Variants in NBEAL2 observed in about 807,000 individuals in gnomAD.
NBEAL2 encodes the protein neurobeachin like 2, also known as neurobeachin-like protein 2.
Under a neutral mutation model 299.8 loss-of-function variants are expected in NBEAL2, and 160 were observed. The observed-to-expected ratio is 0.53, with a 90% CI of 0.47 to 0.61. The LOEUF is 0.61. Among genes scored for constraint, NBEAL2 ranks in the 20% least tolerant of loss-of-function variants. The probability of loss-of-function intolerance (pLI) is 0.00; values close to 1 mark genes in which losing one functional copy is unlikely to be tolerated. For missense variants in NBEAL2, 3,112 were observed against 3,649.0 expected (o/e 0.85, Z 3.79); for synonymous variants, 1,493 against 1,542.3 (o/e 0.97, Z 0.75).
In NBEAL2 at chr3:47,002,943, G is replaced by A. The variant is rs2037141305; in HGVS notation, c.5460-14G>A. The stretch of plus-strand genomic sequence containing the variant: ...AGCCTTCTACCGACCCATGACCTGG[G>A]GGACATTCTGCAGGGACACTCCCAT... On this transcript the variant is annotated splice_polypyrimidine_tract_variant and intron_variant, in intron 33 of 53. Coordinates refer to ENST00000450053, the MANE Select transcript of NBEAL2 (RefSeq NM_015175.3). 6.2e-7 allele frequency: 1 copy of A among 1,612,226 alleles called. No individual in the cohort carries two copies. Among genetic ancestry groups the A allele is most frequent in the African/African-American group, 1.3e-5 (1 of 75,048 alleles).
At chr3:46,997,832 C>G in intron 20 of NBEAL2, 138 bp downstream of exon 20, 1 of 1,305,584 alleles carries the variant, frequency 7.7e-7, no homozygotes, top group African/African-American at 1.5e-5. Context: ...AAAGGCCGAG[C>G]AGGGTTGGGT....
chr3:47,002,665 G>A lies in NBEAL2; in HGVS notation c.5322G>A (p.Ala1774=), dbSNP rs925627742. The change falls in exon 33 of 54, where the codon GCG becomes GCA. Residue 1774 remains alanine, a synonymous_variant. Coordinates refer to ENST00000450053, the MANE Select transcript of NBEAL2 (RefSeq NM_015175.3). The part of the protein sequence containing the change: ...RAFQELVLEP[A]QRRARLEGLR... Reference sequence around the variant, plus strand: ...CCCAGGAGCTGGTGCTGGAACCTGCGCAGAGGCGGGCGCGCCTGGAGGGGC... The same window carrying A: ...CCCAGGAGCTGGTGCTGGAACCTGCACAGAGGCGGGCGCGCCTGGAGGGGC... 2.5e-6 allele frequency: 4 copies of A among 1,608,354 alleles called. No individual in the cohort carries two copies. Among genetic ancestry groups the A allele is most frequent in the Middle Eastern group, 1.6e-4 (1 of 6,082 alleles).
At chr3:47,002,554 T>C in intron 32 of NBEAL2, 34 bp downstream of exon 32, 1 of 1,610,974 alleles carries the variant, frequency 6.2e-7, no homozygotes, top group Non-Finnish European at 8.5e-7. Flanking sequence ...GGGAAACTGC[T>C]CCACACATGC....
chr3:47,006,251 C>G lies in NBEAL2; in HGVS notation c.7006C>G (p.Gln2336Glu), dbSNP rs1474480734. 6.2e-7 allele frequency: 1 copy of G among 1,613,714 alleles called. No homozygotes were observed. Among genetic ancestry groups the G allele is most frequent in the Non-Finnish European group, 8.5e-7 (1 of 1,179,808 alleles). ...IISNFGQTPCQLLKEPHPTRL... is the reference protein window; with the variant it reads ...IISNFGQTPCELLKEPHPTRL... ...CAGCAACTTTGGGCAGACTCCCTGT[C>G]AGCTGCTGAAGGTAAGGCCAGCTTA... is the stretch of plus-strand genomic sequence containing the variant. The change falls in exon 44 of 54, where the codon CAG (glutamine) becomes GAG (glutamate). Residue 2336 changes from glutamine (Q) to glutamate (E), a missense_variant. By Grantham distance (29) the Gln-to-Glu change is conservative. This residue lies in a region of NBEAL2 where 521 missense variants were observed against 729.6 expected (regional missense o/e 0.71). Coordinates refer to ENST00000450053, the MANE Select transcript of NBEAL2 (RefSeq NM_015175.3).
chr3:47,004,809 T>A lies in NBEAL2; in HGVS notation c.6295-163T>A. 8.5e-7 allele frequency: 1 copy of A among 1,178,628 alleles called. No homozygotes were observed. The highest frequency in any genetic ancestry group is 1.2e-6 in the Non-Finnish European group (1 of 837,300). 73.0% of individuals were successfully genotyped at this position (1,178,628 alleles called of 1,614,324 possible). A position where few individuals can be genotyped will look rare whatever the true frequency, so the allele number is the denominator to read the frequency against. On this transcript the variant is annotated intron_variant, in intron 38 of 53. Coordinates refer to ENST00000450053, the MANE Select transcript of NBEAL2 (RefSeq NM_015175.3). The surrounding 1 kb of genome is among the most constrained non-coding windows in gnomAD (Gnocchi z 5.0). The stretch of plus-strand genomic sequence containing the variant: ...AGCCTCTATTCCTCAAAAGGAATCC[T>A]GTTCCAGGACACTCTGTCCTTCTCC...
rs2035832474 is a variant in NBEAL2 at position 46,988,459 on chromosome 3, T to C, written c.52-210T>C. Among the ~76,000 whole-genome samples, 1 of 152,068 alleles carries C rather than the reference T, an allele frequency of 6.6e-6. No individual in the cohort carries two copies. The highest frequency in any genetic ancestry group is 2.4e-5 in the African/African-American group (1 of 41,396). On this transcript the variant is annotated intron_variant, in intron 1 of 53. Coordinates refer to ENST00000450053, the MANE Select transcript of NBEAL2 (RefSeq NM_015175.3). The surrounding 1 kb of genome is among the most constrained non-coding windows in gnomAD (Gnocchi z 4.4). ...CCTGGAAAAGTGGTCAGTATGTACCTAACTCTCTGATGCTGACCTTCCAAT... is the reference window on the plus strand; with the variant it reads ...CCTGGAAAAGTGGTCAGTATGTACCCAACTCTCTGATGCTGACCTTCCAAT...
At chr3:46,999,602 C>G (rs770050847) in intron 25 of NBEAL2, 28 bp from the exon 26 acceptor site, 2 of 1,591,638 alleles carry the variant, frequency 1.3e-6, no homozygotes, top group Non-Finnish European at 1.7e-6. Flanking sequence ...TGGTCAGTCC[C>G]TCAGGTCCCC....
At chr3:46,987,847 C>T (rs773277465) in intron 1 of NBEAL2, 5 of 246,590 alleles carry the variant, frequency 2.0e-5, no homozygotes, top group Non-Finnish European at 3.2e-5. Flanking sequence ...GGCCAGGTCG[C>T]TTGCAGCCTC....
chr3:46,987,964 G>T, intron 1 of NBEAL2: 1 of 1,270,484 alleles, frequency 7.9e-7, no homozygotes. Flanking sequence ...CCCCAGCCCC[G>T]GGGCGGGAGG....
In NBEAL2 at chr3:46,989,674, C is replaced by T; in HGVS notation, c.556+81C>T. 4 of 1,268,482 alleles carry T rather than the reference C, an allele frequency of 3.2e-6. No individual in the cohort carries two copies. Among genetic ancestry groups the T allele is most frequent in the Non-Finnish European group, 4.5e-6 (4 of 890,576 alleles). The allele number at this position is 1,268,482 out of a possible 1,614,324, so 78.6% of individuals were successfully genotyped here. A position where few individuals can be genotyped will look rare whatever the true frequency, so the allele number is the denominator to read the frequency against. ...TGTCGTTCCTTGATCCTGCCATACA[C>T]AGGAACCACTTGGTGGTGGCTGCAT... On this transcript the variant is annotated intron_variant, in intron 6 of 53. Coordinates refer to ENST00000450053, the MANE Select transcript of NBEAL2 (RefSeq NM_015175.3). The surrounding 1 kb of genome is among the most constrained non-coding windows in gnomAD (Gnocchi z 5.5).
intron 49 of NBEAL2, 72 bp from the exon 50 acceptor site, chr3:47,007,998 T>C: frequency 6.3e-7 from 1 of 1,584,564 alleles, no homozygotes; most frequent in Non-Finnish European, 8.6e-7. Flanking sequence ...CCTGTCCTCC[T>C]CTAGTCTTGG....
At position 47,007,168 on chromosome 3, in the gene NBEAL2, T is replaced by C; in HGVS notation, c.7224+13T>C. On this transcript the variant is annotated intron_variant, in intron 46 of 53. Coordinates refer to ENST00000450053, the MANE Select transcript of NBEAL2 (RefSeq NM_015175.3). Reference sequence around the variant, plus strand: ...CCCAGACCTGTTGGTAAGTGCATTGTGCAGAGCCCCAGCTCAGCTCCACTC... The same window carrying C: ...CCCAGACCTGTTGGTAAGTGCATTGCGCAGAGCCCCAGCTCAGCTCCACTC... The C allele has an allele frequency of 6.2e-7, 1 of 1,613,314 alleles. No homozygotes were observed. Among genetic ancestry groups the C allele is most frequent in the Admixed American group, 1.7e-5 (1 of 59,926 alleles).
At position 47,000,366 on chromosome 3, in the gene NBEAL2, A is replaced by G. The variant is rs762685794; in HGVS notation, c.4267A>G (p.Ile1423Val). Residue 1423 changes from isoleucine (I) to valine (V), a missense_variant, in exon 27 of 54, where the codon ATT becomes GTT. Ile to Val is a conservative substitution (Grantham distance 29). Around this residue, in one of 3 missense-constraint regions of NBEAL2, gnomAD observed 2,243 missense variants for 2,538.1 expected, o/e 0.88. Transcript: ENST00000450053. The surrounding 1 kb of genome is among the most constrained non-coding windows in gnomAD (Gnocchi z 4.5). Reference sequence around the variant, plus strand: ...GGACGGCAGCCTCCCGGAGCCCACCATTAGCGGGGATGATACCTCGAACAC... The same window carrying G: ...GGACGGCAGCCTCCCGGAGCCCACCGTTAGCGGGGATGATACCTCGAACAC... The part of the protein sequence containing the change: ...LEDGSLPEPT[I>V]SGDDTSNTSN... 36 of 1,590,182 alleles carry G rather than the reference A, an allele frequency of 2.3e-5. 1 individual carries two copies. The South Asian group carries it at 4.1e-4, about 18-fold the overall frequency.
chr3:47,008,182 C>G lies in NBEAL2; in HGVS notation c.7715C>G (p.Ser2572Cys), dbSNP rs745844133. The change falls in exon 50 of 54, where the codon TCT (serine) becomes TGT (cysteine). Residue 2572 changes from serine to cysteine, a missense_variant. Ser to Cys is a moderately radical substitution (Grantham distance 112, BLOSUM62 -1). This residue lies in a region of NBEAL2 where 348 missense variants were observed against 381.4 expected (regional missense o/e 0.91). Coordinates refer to ENST00000450053, the MANE Select transcript of NBEAL2 (RefSeq NM_015175.3). ...STELDMAVSGSEDGTVIIHTV... is the reference protein window; with the variant it reads ...STELDMAVSGCEDGTVIIHTV... ...GAACTTGACATGGCTGTGTCTGGAT[C>G]TGAGGTGTGTGTATGCATGTGCCCT... 30 of 1,613,828 alleles carry G rather than the reference C, an allele frequency of 1.9e-5. No homozygotes were observed. The highest frequency in any genetic ancestry group is 2.5e-5 in the Non-Finnish European group (30 of 1,179,882).
chr3:47,003,915 G>T lies in NBEAL2; in HGVS notation c.5820G>T (p.Glu1940Asp). 1 of 1,613,766 alleles carries T rather than the reference G, an allele frequency of 6.2e-7. No homozygotes were observed. The highest frequency in any genetic ancestry group is 8.5e-7 in the Non-Finnish European group (1 of 1,179,766). ...TVVAVVPGLL[E>D]VTTQNVYFYD... ...TGGCCGTGGTCCCAGGGCTGCTGGA[G>T]GTCACCACACAGAATGTATACTTCT... is the stretch of plus-strand genomic sequence containing the variant. The change falls in exon 36 of 54, where the codon GAG becomes GAT. Residue 1940 changes from glutamate (E) to aspartate (D), a missense_variant. By Grantham distance (45) the Glu-to-Asp change is conservative. Around this residue, in one of 3 missense-constraint regions of NBEAL2, gnomAD observed 521 missense variants for 729.6 expected, o/e 0.71. Transcript: ENST00000450053. The surrounding 1 kb of genome is among the most constrained non-coding windows in gnomAD (Gnocchi z 7.0).
At chr3:46,997,777 G>T in intron 20 of NBEAL2, 83 bp downstream of exon 20, 1 of 1,420,334 alleles carries the variant, frequency 7.0e-7, no homozygotes. Flanking sequence ...AACCCTGTCA[G>T]TCATGAAGAA....
Position 47,009,108 on chromosome 3 carries a change from C to T in NBEAL2, c.8147C>T (p.Ala2716Val), listed in dbSNP as rs756257058. 2 of 1,275,222 alleles carry T rather than the reference C, an allele frequency of 1.6e-6. No homozygotes were observed. 79.0% of individuals were successfully genotyped at this position (1,275,222 alleles called of 1,614,324 possible). ...LEDGKLIVVV[A>V]GQPSEVRSSQ... ...GATGGCAAGCTCATCGTGGTGGTCG[C>T]GGGGCAGCCCTCTGAGGTGAGGATG... Residue 2716 changes from alanine to valine, a missense_variant, in exon 53 of 54, where the codon GCG becomes GTG. Coordinates refer to ENST00000450053, the MANE Select transcript of NBEAL2 (RefSeq NM_015175.3).
rs374312429 is a variant in NBEAL2, at chr3:47,008,311, G to C, written c.7748G>C (p.Arg2583Pro). 1 of 1,613,094 alleles carries C rather than the reference G, an allele frequency of 6.2e-7. No individual in the cohort carries two copies. Residue 2583 changes from arginine to proline, a missense_variant, in exon 51 of 54, where the codon CGC becomes CCC. Physicochemically the swap from Arg to Pro is moderately radical, Grantham distance 103 (BLOSUM62 -2). Around this residue, in one of 3 missense-constraint regions of NBEAL2, gnomAD observed 348 missense variants for 381.4 expected, o/e 0.91. Transcript: ENST00000450053. ...EDGTVIIHTV[R>P]RGQFVAALRP... ...GGAACTGTGATCATACACACTGTACGCCGCGGACAGTTTGTAGCGGCACTA... is the reference window on the plus strand; with the variant it reads ...GGAACTGTGATCATACACACTGTACCCCGCGGACAGTTTGTAGCGGCACTA...
intron 1 of NBEAL2, among the ~76,000 whole-genome samples, chr3:46,986,493 G>C (rs1327905419): frequency 6.6e-6 from 1 of 152,206 alleles, no homozygotes; most frequent in Non-Finnish European, 1.5e-5. Flanking sequence ...CAGCAGCCTG[G>C]AATGCTGCTC....
Sources: gnomAD v4.1 joint callset for allele counts (sites outside exome capture counted in the v4.1 genomes callset) on GRCh38, gnomAD v4.1.1 for gene constraint, gnomAD v4.1.1 regional missense constraint, Gnocchi (gnomAD v3.1) non-coding constraint, MANE v1.5 for transcripts, NCBI Gene and HGNC (gene_info 2026-07-23, HGNC 2026-07-21) for gene names.